The following PRMT8 variants were observed in gnomAD, a reference collection of about 807,000 sequenced individuals.
PRMT8 encodes protein arginine methyltransferase 8.
Under a neutral mutation model 47.1 loss-of-function variants are expected in PRMT8, and 7 were observed. The ratio of observed to expected loss-of-function variants is 0.15; its 90% CI spans 0.08 to 0.28. The LOEUF (loss-of-function observed/expected upper bound fraction) is 0.28, where lower values mean the gene tolerates loss of function less well. Ranked by LOEUF, PRMT8 falls within the 10% of genes least tolerant of loss-of-function variation. The pLI is 1.00. For missense variants in PRMT8, 237 were observed against 505.4 expected (o/e 0.47, Z 5.09); for synonymous variants, 188 against 186.5 (o/e 1.01, Z -0.07).
intron 1 of PRMT8, among the ~76,000 whole-genome samples, chr12:3,445,705 G>A (rs1255078799): frequency 6.6e-6 from 1 of 152,166 alleles, no homozygotes; most frequent in African/African-American, 2.4e-5. Context: ...CATTTGTTCT[G>A]ACTAAATATT....
chr12:3,445,906 C>T (rs930909795), intron 1 of PRMT8, among the ~76,000 whole-genome samples: 5 of 152,116 alleles, frequency 3.3e-5, no homozygotes, highest in South Asian at 4.2e-4. Context: ...TTAGGAGAGC[C>T]GTCCTGAGCC....
intron 4 of PRMT8, among the ~76,000 whole-genome samples, chr12:3,556,883 G>T (rs1448906416): frequency 6.6e-6 from 1 of 152,094 alleles, no homozygotes; most frequent in East Asian, 1.9e-4. Flanking sequence ...CCTTGCACAG[G>T]TGGTGGGGTG....
At chr12:3,469,190 G>A in intron 1 of PRMT8, 1 of 486,166 alleles carries the variant, frequency 2.1e-6, no homozygotes. Flanking sequence ...GCAATTCACA[G>A]CAAAGTAGTC....
chr12:3,592,177 G>A (rs970585797), intron 8 of PRMT8, 54 bp from the exon 9 acceptor site: 2 of 1,520,348 alleles, frequency 1.3e-6, no homozygotes, highest in African/African-American at 2.9e-5. Flanking sequence ...CATCCCTTTG[G>A]AGACTTCGTC....
chr12:3,443,812 C>T (rs1864829216), intron 1 of PRMT8, among the ~76,000 whole-genome samples: 1 of 152,230 alleles, frequency 6.6e-6, no homozygotes, highest in Non-Finnish European at 1.5e-5. Context: ...CCTTGCCAAC[C>T]ACCTCCAACC....
intron 1 of PRMT8, among the ~76,000 whole-genome samples, chr12:3,518,397 C>T (rs1477236695): frequency 1.4e-5 from 2 of 142,532 alleles, no homozygotes; most frequent in Admixed American, 7.1e-5. Context: ...GTTAGGAATT[C>T]TTTTTTTTTT....
chr12:3,561,519 C>T (rs530208974), intron 4 of PRMT8, among the ~76,000 whole-genome samples: 3 of 152,322 alleles, frequency 2.0e-5, no homozygotes, highest in South Asian at 4.1e-4. Context: ...GATGATCACT[C>T]TCCTGGGGTC....
At chr12:3,381,680 G>A (rs972603929) in intron 1 of PRMT8, among the ~76,000 whole-genome samples, 1 of 152,118 alleles carries the variant, frequency 6.6e-6, no homozygotes, top group Non-Finnish European at 1.5e-5. Flanking sequence ...AGATAACTGT[G>A]GTTTCATTTG....
intron 1 of PRMT8, among the ~76,000 whole-genome samples, chr12:3,434,102 G>T (rs1864711725): frequency 6.6e-6 from 1 of 152,174 alleles, no homozygotes; most frequent in South Asian, 2.1e-4. Flanking sequence ...ACACAACAAT[G>T]AAATTATTTG....
At chr12:3,495,034 C>T (rs1483059549) in intron 1 of PRMT8, among the ~76,000 whole-genome samples, 1 of 152,210 alleles carries the variant, frequency 6.6e-6, no homozygotes, top group Non-Finnish European at 1.5e-5. Flanking sequence ...CTCCCTCTCC[C>T]CTGTTCCCTA....
chr12:3,573,815 G>A (rs1225500812), intron 6 of PRMT8: 1 of 152,088 alleles, frequency 6.6e-6, no homozygotes, highest in East Asian at 1.9e-4. Context: ...AGATAATCAT[G>A]ATATTTCTTG....
At chr12:3,496,523 G>T (rs555810604) in intron 1 of PRMT8, among the ~76,000 whole-genome samples, 8 of 152,068 alleles carry the variant, frequency 5.3e-5, no homozygotes, top group African/African-American at 1.9e-4. Flanking sequence ...GTCTGTTTCT[G>T]CAGAGTGTGT....
At chr12:3,429,150 G>A (rs1316743874) in intron 1 of PRMT8, among the ~76,000 whole-genome samples, 1 of 152,140 alleles carries the variant, frequency 6.6e-6, no homozygotes, top group Non-Finnish European at 1.5e-5. Flanking sequence ...GTGGGGCGGA[G>A]GGGGATGTCT....
At chr12:3,418,474 G>C (rs370226870) in intron 1 of PRMT8, among the ~76,000 whole-genome samples, 78 of 152,324 alleles carry the variant, frequency 5.1e-4, no homozygotes, top group African/African-American at 1.7e-3. Context: ...GACAGGATGG[G>C]CTGGTCCTAT....
At chr12:3,434,791 G>A (rs1007737506) in intron 1 of PRMT8, among the ~76,000 whole-genome samples, 3 of 151,060 alleles carry the variant, frequency 2.0e-5, no homozygotes, top group Non-Finnish European at 4.4e-5. Flanking sequence ...ACTCTCACAG[G>A]GTGCAAGAGT....
At chr12:3,533,857 T>C (rs1048096720) in intron 1 of PRMT8, among the ~76,000 whole-genome samples, 1 of 152,274 alleles carries the variant, frequency 6.6e-6, no homozygotes, top group Non-Finnish European at 1.5e-5. Flanking sequence ...TGTTCTTTTT[T>C]TCTGCAAACC....
At chr12:3,473,768 A>C (rs1485943191) in intron 1 of PRMT8, among the ~76,000 whole-genome samples, 2 of 151,904 alleles carry the variant, frequency 1.3e-5, no homozygotes, top group Non-Finnish European at 2.9e-5. Flanking sequence ...CCAACCACCC[A>C]ATTGGCCAAA....
At chr12:3,497,143 G>A (rs187615908) in intron 1 of PRMT8, among the ~76,000 whole-genome samples, 2 of 152,256 alleles carry the variant, frequency 1.3e-5, no homozygotes, top group South Asian at 4.1e-4. Flanking sequence ...TGCCAGCAGG[G>A]GGAAAATGGG....
At chr12:3,573,554 CT>C in intron 6 of PRMT8, among the ~76,000 whole-genome samples, 1 of 152,168 alleles carries the variant, frequency 6.6e-6, no homozygotes, top group East Asian at 1.9e-4. Flanking sequence ...TTCATTAATG[CT>C]GGGCATTGTG....
Sources: allele counts gnomAD v4.1 joint callset (sites outside exome capture counted in the v4.1 genomes callset), GRCh38; gene constraint gnomAD v4.1.1; transcripts MANE v1.5; gene names NCBI Gene and HGNC (gene_info 2026-07-23, HGNC 2026-07-21).